Variants in SLC66A2 observed in about 807,000 individuals in gnomAD.
The protein encoded by SLC66A2 is PQ loop repeat containing 1.
In SLC66A2, 23 loss-of-function variants were observed where a neutral mutation model predicts 25.5. That is an observed-to-expected ratio of 0.90 (90% confidence interval 0.65 to 1.28). The LOEUF (loss-of-function observed/expected upper bound fraction) is 1.28. Ranked by LOEUF, SLC66A2 falls within the 50% of genes most tolerant of loss-of-function variation. SLC66A2 has a pLI of 0.00. For synonymous variants in SLC66A2, 193 were observed against 166.5 expected (o/e 1.16, Z -1.23); for missense variants, 396 against 373.1 (o/e 1.06, Z -0.51).
chr18:79,913,537 T>TAG (rs902621429), intron 5 of SLC66A2, among the ~76,000 whole-genome samples: 9 of 152,240 alleles, frequency 5.9e-5, no homozygotes, highest in African/African-American at 2.2e-4. Flanking sequence ...AAGTCACTGT[T>TAG]CAAAAATGCC....
Position 79,919,331 on chromosome 18 carries a change from G to A in SLC66A2, c.461C>T (p.Thr154Met), listed in dbSNP as rs770487880. 2.0e-5 allele frequency: 33 copies of A among 1,613,172 alleles called. No homozygotes were observed. Among genetic ancestry groups the A allele is most frequent in the Admixed American group, 3.3e-5 (2 of 60,002 alleles). ...SDYVQCVLAF[T>M]GVAGYITYLS... ...GTAGGTGATGTAGCCCGCCACGCCC[G>A]TGAAGGCCAGGACGCACTGCACGTA... Residue 154 changes from threonine to methionine, a missense_variant, in exon 5 of 6, where the codon ACG becomes ATG. Thr to Met is a moderately conservative substitution (Grantham distance 81, BLOSUM62 -1). Transcript: ENST00000397778.
At chr18:79,912,031 G>A (rs1272757923) in intron 5 of SLC66A2, among the ~76,000 whole-genome samples, 2 of 138,656 alleles carry the variant, frequency 1.4e-5, no homozygotes, top group African/African-American at 5.4e-5. Flanking sequence ...GCAGGAAGGG[G>A]ACAGGAGCAG....
chr18:79,903,934 G>C lies in SLC66A2; in HGVS notation c.*42C>G. 6.5e-7 allele frequency: 1 copy of C among 1,548,026 alleles called. No homozygotes were observed. Among genetic ancestry groups the C allele is most frequent in the Non-Finnish European group, 8.7e-7 (1 of 1,146,700 alleles). On this transcript the variant is annotated 3_prime_UTR_variant, in exon 6 of 6. Transcript: ENST00000397778. Reference sequence around the variant, plus strand: ...CCCGCGGGGAGGTCAGGGCCCACCAGTGCCCGCGGCTGGCGGTCCCACATC... The same window carrying C: ...CCCGCGGGGAGGTCAGGGCCCACCACTGCCCGCGGCTGGCGGTCCCACATC...
At chr18:79,939,278 A>G (rs1464930302) in intron 3 of SLC66A2, among the ~76,000 whole-genome samples, 2 of 152,212 alleles carry the variant, frequency 1.3e-5, no homozygotes, top group Admixed American at 6.5e-5. Context: ...TCATGTCCTC[A>G]TCGGTCTGCC....
At position 79,919,440 on chromosome 18, in the gene SLC66A2, G is replaced by A. The variant is rs150416501; in HGVS notation, c.392-40C>T. On this transcript the variant is annotated intron_variant, in intron 4 of 5. Transcript: ENST00000397778. ...AGAAGCAGCCTCAGCACAGCTTAGG[G>A]TCCAGGTGAGGAGTCAAGGTCAGTG... is the stretch of plus-strand genomic sequence containing the variant. 1.9e-4 allele frequency: 285 copies of A among 1,486,226 alleles called. 1 individual carries two copies. The highest frequency in any genetic ancestry group is 2.4e-4 in the Non-Finnish European group (262 of 1,079,962). 92.1% of individuals were successfully genotyped at this position (1,486,226 alleles called of 1,614,324 possible). A position where few individuals can be genotyped will look rare whatever the true frequency, so the allele number is the denominator to read the frequency against.
At position 79,904,138 on chromosome 18, in the gene SLC66A2, C is replaced by A. The variant is rs915382249; in HGVS notation, c.654G>T (p.Thr218=). The change falls in exon 6 of 6, where the codon ACG becomes ACT. Residue 218 remains threonine (T), a synonymous_variant. Coordinates refer to ENST00000397778, the MANE Select transcript of SLC66A2 (RefSeq NM_025078.5). The surrounding 1 kb of genome is among the most constrained non-coding windows in gnomAD (Gnocchi z 6.3). ...GGGCACCCTTCAGCAGGAAGTAGGC[C>A]GTCTTGAAGGCGTCACCACTGGTCC... ...LMWTSGDAFK[T]AYFLLKGAPL... is the part of the protein sequence containing the mutation. 6.8e-6 allele frequency: 11 copies of A among 1,612,880 alleles called. No individual in the cohort carries two copies. In the African/African-American group the frequency reaches 9.3e-5, roughly 14 times the overall value.
chr18:79,912,046 G>C lies in SLC66A2; in HGVS notation c.608+7138C>G, dbSNP rs1248422799. ...GCAGGAAGGGGACAGGAGCAGGGAG[G>C]GGAACAGTAGCAGGAGGGGATGGCA... On this transcript the variant is annotated intron_variant, in intron 5 of 5. Coordinates refer to ENST00000397778, the MANE Select transcript of SLC66A2 (RefSeq NM_025078.5). Among the ~76,000 whole-genome samples, 4 of 142,382 alleles carry C rather than the reference G, an allele frequency of 2.8e-5. No homozygotes were observed. In the East Asian group the frequency reaches 8.6e-4, roughly 31 times the overall value. The allele number at this position is 142,382 out of a possible 152,430, so 93.4% of individuals were successfully genotyped here.
At chr18:79,946,908 T>C (rs898981073) in intron 2 of SLC66A2, among the ~76,000 whole-genome samples, 5 of 151,714 alleles carry the variant, frequency 3.3e-5, no homozygotes, top group African/African-American at 1.2e-4. Context: ...GTGGGTGCAG[T>C]GAGCCGAGAT....
At position 79,903,827 on chromosome 18, in the gene SLC66A2, G is replaced by GAC; in HGVS notation, c.*147_*148dup. Reference sequence around the variant, plus strand: ...GCCCCACCCCCACTGCCCACCCTGAGACACCCCACAGAGGCTGATGGAGAC... The same window carrying GAC: ...GCCCCACCCCCACTGCCCACCCTGAGACACACCCCACAGAGGCTGATGGAGAC... On this transcript the variant is annotated 3_prime_UTR_variant, in exon 6 of 6. Transcript: ENST00000397778. 1 of 640,946 alleles carries GAC rather than the reference G, an allele frequency of 1.6e-6. No homozygotes were observed. Among genetic ancestry groups the GAC allele is most frequent in the Non-Finnish European group, 2.6e-6 (1 of 387,772 alleles). The allele number at this position is 640,946 out of a possible 1,614,324, so 39.7% of individuals were successfully genotyped here. A position where few individuals can be genotyped will look rare whatever the true frequency, so the allele number is the denominator to read the frequency against.
chr18:79,923,170 T>G (rs1440185314), intron 4 of SLC66A2, among the ~76,000 whole-genome samples: 3 of 127,802 alleles, frequency 2.3e-5, no homozygotes, highest in Non-Finnish European at 3.3e-5. Flanking sequence ...CCGGCTGCAG[T>G]GAGGGGGGCT....
At chr18:79,934,857 A>G (rs1271088152) in intron 3 of SLC66A2, among the ~76,000 whole-genome samples, 1 of 152,244 alleles carries the variant, frequency 6.6e-6, no homozygotes, top group Non-Finnish European at 1.5e-5. Flanking sequence ...GTGAACAGCT[A>G]AAAGCAAATA....
Position 79,943,449 on chromosome 18 carries a change from A to T in SLC66A2, c.217T>A (p.Phe73Ile). 3 of 1,614,012 alleles carry T rather than the reference A, an allele frequency of 1.9e-6. No homozygotes were observed. Among genetic ancestry groups the T allele is most frequent in the South Asian group, 1.1e-5 (1 of 91,062 alleles). Residue 73 changes from phenylalanine (F) to isoleucine (I), a missense_variant, in exon 3 of 6, where the codon TTT becomes ATT. Transcript: ENST00000397778. ...CTCTGCCACAGCAGCGGGGACTCAA[A>T]GCGCCTTCCAAACCTGCGGGAGAGA... is the stretch of plus-strand genomic sequence containing the variant. ...LRILFWFGRR[F>I]ESPLLWQSAI...
chr18:79,942,452 C>T (rs985449777), intron 3 of SLC66A2, among the ~76,000 whole-genome samples: 6 of 152,188 alleles, frequency 3.9e-5, no homozygotes, highest in Non-Finnish European at 8.8e-5. Context: ...TCCTCTCCAA[C>T]AGGACGAAGT....
At chr18:79,949,366 C>A (rs2051039380) in intron 2 of SLC66A2, among the ~76,000 whole-genome samples, 1 of 152,174 alleles carries the variant, frequency 6.6e-6, no homozygotes, top group Non-Finnish European at 1.5e-5. Context: ...ATAAGGTTGA[C>A]TTAAAAACTA....
chr18:79,922,791 C>A (rs905577882), intron 4 of SLC66A2, among the ~76,000 whole-genome samples: 1 of 104,774 alleles, frequency 9.5e-6, no homozygotes, highest in Non-Finnish European at 1.9e-5. Flanking sequence ...GCGGTGAGGT[C>A]GAGGGGGTTG....
At chr18:79,919,079 TG>T in intron 5 of SLC66A2, 104 bp downstream of exon 5, 1 of 1,046,164 alleles carries the variant, frequency 9.6e-7, no homozygotes, top group Non-Finnish European at 1.4e-6. Context: ...CAGGTCAACG[TG>T]GGAAATACAC....
Position 79,904,006 on chromosome 18 carries a change from G to A in SLC66A2, c.786C>T (p.Ala262=), listed in dbSNP as rs141038651. The A allele has an allele frequency of 5.8e-5, 93 of 1,605,018 alleles. No individual in the cohort carries two copies. In the East Asian group the frequency reaches 6.0e-4, roughly 10 times the overall value. The change falls in exon 6 of 6, where the codon GCC becomes GCT. Residue 262 remains alanine, a synonymous_variant. Transcript: ENST00000397778. The surrounding 1 kb of genome is among the most constrained non-coding windows in gnomAD (Gnocchi z 6.3). ...GGGCCTTGGTGCCAGTGGGGTGCAC[G>A]GCGTGGGGCGCCGGCTTCTGGGGGT... ...ARHPQKPAPH[A]VHPTGTKAL
At chr18:79,908,866 T>C (rs1982518044) in intron 5 of SLC66A2, among the ~76,000 whole-genome samples, 3 of 152,258 alleles carry the variant, frequency 2.0e-5, no homozygotes. Flanking sequence ...TCTATTTCTC[T>C]ATGGAGATGT....
At chr18:79,930,228 A>G (rs1986426113) in intron 4 of SLC66A2, 1 of 152,242 alleles carries the variant, frequency 6.6e-6, no homozygotes, top group African/African-American at 2.4e-5. Flanking sequence ...TATCACTTAC[A>G]AGGAAACCCC....
Sources: allele counts gnomAD v4.1 joint callset (sites outside exome capture counted in the v4.1 genomes callset), GRCh38; gene constraint gnomAD v4.1.1; non-coding constraint Gnocchi (gnomAD v3.1); transcripts MANE v1.5; gene names NCBI Gene and HGNC (gene_info 2026-07-23, HGNC 2026-07-21).